SLCO6A1: variants seen among roughly 807,000 people sequenced by gnomAD.
The protein encoded by SLCO6A1 is cancer/testis antigen 48.
A neutral mutation model predicts 72.7 loss-of-function variants in SLCO6A1; 65 were observed. The observed-to-expected ratio is 0.89, with a 90% confidence interval of 0.73 to 1.10. The LOEUF (loss-of-function observed/expected upper bound fraction) is 1.10. Among genes scored for constraint, SLCO6A1 ranks in the 50% least tolerant of loss-of-function variants. The pLI is 0.00. For synonymous variants in SLCO6A1, 314 were observed against 298.2 expected, an observed-to-expected ratio of 1.05 and a Z score of -0.55; for missense variants, 874 against 872.6, an observed-to-expected ratio of 1.00 and a Z score of -0.02.
At chr5:102,485,543 A>G (rs927036183) in intron 1 of SLCO6A1, among the ~76,000 whole-genome samples, 1 of 152,208 alleles carries the variant, frequency 6.6e-6, no homozygotes, top group South Asian at 2.1e-4. Flanking sequence ...GCATGCCTAC[A>G]TGACTGACAG....
chr5:102,385,572 G>C (rs1013132243), intron 12 of SLCO6A1, among the ~76,000 whole-genome samples: 1 of 151,784 alleles, frequency 6.6e-6, no homozygotes, highest in African/African-American at 2.4e-5. Flanking sequence ...TCTTTCTTCT[G>C]TTTGATCTAC....
In SLCO6A1 at chr5:102,389,459, C is replaced by A. The variant is rs970804468; in HGVS notation, c.1880-634G>T. Among the ~76,000 whole-genome samples the A allele has an allele frequency of 2.9e-4, 32 of 111,090 alleles. 1 individual carries two copies. Among genetic ancestry groups the A allele is most frequent in the African/African-American group, 9.3e-4 (28 of 30,048 alleles). The allele number at this position is 111,090 out of a possible 152,430, so 72.9% of individuals were successfully genotyped here. ...TCACACACCCCGCCCCCCACCCCCA[C>A]ACACACAGAGTTGCCCCCAAACACA... On this transcript the variant is annotated intron_variant, in intron 11 of 13. Transcript: ENST00000506729.
chr5:102,448,507 T>A (rs1561469825), intron 6 of SLCO6A1, among the ~76,000 whole-genome samples: 1 of 152,152 alleles, frequency 6.6e-6, no homozygotes, highest in Non-Finnish European at 1.5e-5. Flanking sequence ...GTTATCTAAG[T>A]CTCTTCATAA....
intron 10 of SLCO6A1, among the ~76,000 whole-genome samples, chr5:102,397,102 T>A (rs922952169): frequency 2.0e-5 from 3 of 152,212 alleles, no homozygotes; most frequent in African/African-American, 7.2e-5. Flanking sequence ...TTTCATTTTT[T>A]AAGTTTAAAC....
chr5:102,431,999 T>C (rs564015198), intron 7 of SLCO6A1, among the ~76,000 whole-genome samples: 4 of 152,318 alleles, frequency 2.6e-5, no homozygotes, highest in South Asian at 4.1e-4. Context: ...CCCCTCTTTG[T>C]TTTTTACAAT....
At chr5:102,405,407 AAG>A (rs1025718925) in intron 9 of SLCO6A1, among the ~76,000 whole-genome samples, 19 of 151,746 alleles carry the variant, frequency 1.3e-4, no homozygotes, top group African/African-American at 4.6e-4. Flanking sequence ...TTAAAAAAAA[AAG>A]AAATACTGAA....
intron 10 of SLCO6A1, 87 bp from the exon 11 acceptor site, chr5:102,391,132 T>A (rs1449909231): frequency 7.7e-7 from 1 of 1,297,078 alleles, no homozygotes; most frequent in Non-Finnish European, 1.1e-6. Context: ...ATCATTTTTT[T>A]TTTCTGGTGC....
At chr5:102,482,461 G>C (rs1752243397) in intron 1 of SLCO6A1, among the ~76,000 whole-genome samples, 1 of 152,076 alleles carries the variant, frequency 6.6e-6, no homozygotes, top group Admixed American at 6.6e-5. Context: ...CTTGATCGCA[G>C]ATAACATACA....
chr5:102,464,602 C>T (rs1751218397), intron 4 of SLCO6A1, among the ~76,000 whole-genome samples: 2 of 152,070 alleles, frequency 1.3e-5, no homozygotes, highest in Non-Finnish European at 1.5e-5. Context: ...AGAAGAGAGC[C>T]ATTACCACCT....
At chr5:102,450,296 T>C (rs1750346106) in intron 6 of SLCO6A1, among the ~76,000 whole-genome samples, 1 of 152,234 alleles carries the variant, frequency 6.6e-6, no homozygotes. Context: ...CTAGAGTCAG[T>C]TGACTTCATT....
intron 1 of SLCO6A1, among the ~76,000 whole-genome samples, chr5:102,483,939 G>T (rs1402601186): frequency 6.6e-6 from 1 of 152,040 alleles, no homozygotes; most frequent in East Asian, 1.9e-4. Flanking sequence ...CTGTGAGTAA[G>T]AGTTAGTATT....
chr5:102,469,856 T>C (rs1289254759), intron 4 of SLCO6A1, among the ~76,000 whole-genome samples: 1 of 151,990 alleles, frequency 6.6e-6, no homozygotes. Context: ...TTATTGAGAG[T>C]TTTTAGCATG....
chr5:102,469,841 C>T (rs1194842717), intron 4 of SLCO6A1, among the ~76,000 whole-genome samples: 2 of 152,058 alleles, frequency 1.3e-5, no homozygotes, highest in African/African-American at 4.8e-5. Context: ...CCATCAATAC[C>T]TAGTTTATTG....
intron 4 of SLCO6A1, among the ~76,000 whole-genome samples, chr5:102,473,127 A>G (rs1483801075): frequency 4.6e-5 from 7 of 152,042 alleles, no homozygotes; most frequent in African/African-American, 1.4e-4. Flanking sequence ...AATTCTTTCT[A>G]TGTGGCCAAC....
chr5:102,497,036 C>G (rs1752938236), intron 1 of SLCO6A1, among the ~76,000 whole-genome samples: 6 of 152,198 alleles, frequency 3.9e-5, no homozygotes, highest in Admixed American at 3.9e-4. Flanking sequence ...ATGGGTCTTA[C>G]AACATACAGC....
rs1702576524 is a variant in SLCO6A1 at position 102,488,439 on chromosome 5, T to C, written c.359-8005A>G. On this transcript the variant is annotated intron_variant, in intron 1 of 13. Transcript: ENST00000506729. ...TATTTTAAAAAGTAACATGTTAAGA[T>C]ACACTTGAACAACTCCCTTTGATAT... 2.6e-5 allele frequency among the ~76,000 whole-genome samples: 4 copies of C among 152,372 alleles called. No individual in the cohort carries two copies. The South Asian group carries it at 8.3e-4, about 32-fold the overall frequency.
At chr5:102,437,365 C>A (rs1254456903) in intron 7 of SLCO6A1, among the ~76,000 whole-genome samples, 1 of 152,120 alleles carries the variant, frequency 6.6e-6, no homozygotes, top group African/African-American at 2.4e-5. Flanking sequence ...GAGAAAGCCA[C>A]CTGATTTTTT....
chr5:102,452,013 T>G (rs1205272282), intron 6 of SLCO6A1, among the ~76,000 whole-genome samples: 1 of 152,234 alleles, frequency 6.6e-6, no homozygotes, highest in Non-Finnish European at 1.5e-5. Flanking sequence ...ACTAAATAAT[T>G]TGGACAGCAG....
rs375167880 is a variant in SLCO6A1, at chr5:102,480,217, G to A, written c.576C>T (p.Ser192=). 5.6e-6 allele frequency: 9 copies of A among 1,610,994 alleles called. 1 individual carries two copies. The South Asian group carries it at 6.6e-5, about 12-fold the overall frequency. The part of the protein sequence containing the change: ...GLGSLLCAFP[S]INEENKQSKV... Reference sequence around the variant, plus strand: ...TACTTTGTTTATTTTCTTCATTAATGGATGGAAAAGCACATAAAAGTGATC... The same window carrying A: ...TACTTTGTTTATTTTCTTCATTAATAGATGGAAAAGCACATAAAAGTGATC... The change falls in exon 2 of 14, where the codon TCC becomes TCT. Residue 192 remains serine (S), a synonymous_variant. Coordinates refer to ENST00000506729, the MANE Select transcript of SLCO6A1 (RefSeq NM_173488.5).
Sources: allele counts gnomAD v4.1 joint callset (sites outside exome capture counted in the v4.1 genomes callset), GRCh38; gene constraint gnomAD v4.1.1; transcripts MANE v1.5; gene names NCBI Gene and HGNC (gene_info 2026-07-23, HGNC 2026-07-21).